Variants in CNTNAP2 observed in about 807,000 individuals in gnomAD.
CNTNAP2 encodes the protein contactin-associated protein-like 2.
In CNTNAP2, 98 loss-of-function variants were observed where a neutral mutation model predicts 155.2. The ratio of observed to expected loss-of-function variants is 0.63; its 90% CI spans 0.54 to 0.75. The LOEUF (loss-of-function observed/expected upper bound fraction) is 0.75. Among genes scored for constraint, CNTNAP2 ranks in the 30% least tolerant of loss-of-function variants. CNTNAP2 has a pLI of 0.00. For synonymous variants in CNTNAP2, 651 were observed against 631.2 expected, an observed-to-expected ratio of 1.03 and a Z score of -0.47; for missense variants, 1,727 against 1,688.1, an observed-to-expected ratio of 1.02 and a Z score of -0.40.
At chr7:147,347,760 G>T (rs700296) in intron 9 of CNTNAP2, among the ~76,000 whole-genome samples, 22,325 of 151,826 alleles carry the variant, frequency 0.15, 1,854 homozygotes, top group East Asian at 0.31. Context: ...CAGAGGCTTT[G>T]CGTTACCTGA....
At chr7:147,621,843 T>C (rs1357944894) in intron 12 of CNTNAP2, among the ~76,000 whole-genome samples, 1 of 151,832 alleles carries the variant, frequency 6.6e-6, no homozygotes, top group Non-Finnish European at 1.5e-5. Context: ...AGTAGCTGAA[T>C]AGATGAAAAA....
At chr7:148,100,559 A>G (rs897684041) in intron 15 of CNTNAP2, among the ~76,000 whole-genome samples, 1 of 152,278 alleles carries the variant, frequency 6.6e-6, no homozygotes, top group Admixed American at 6.5e-5. Context: ...ACCTAATATT[A>G]CTATAATAAA....
intron 1 of CNTNAP2, among the ~76,000 whole-genome samples, chr7:146,556,471 A>T (rs1798199866): frequency 6.6e-6 from 1 of 152,208 alleles, no homozygotes; most frequent in Non-Finnish European, 1.5e-5. Context: ...AGAACAGCGT[A>T]TTATGATAGG....
At chr7:148,198,188 C>T (rs1020259665) in intron 18 of CNTNAP2, among the ~76,000 whole-genome samples, 2 of 152,188 alleles carry the variant, frequency 1.3e-5, no homozygotes, top group African/African-American at 4.8e-5. Context: ...CCCAGAGCCA[C>T]CACCCCCCAT....
At chr7:146,908,747 A>G (rs2129216099) in intron 3 of CNTNAP2, among the ~76,000 whole-genome samples, 1 of 138,952 alleles carries the variant, frequency 7.2e-6, no homozygotes, top group South Asian at 2.4e-4. Context: ...AAGAACTAGA[A>G]AAGCAAGAGC....
chr7:146,867,781 C>CGTT (rs57015319), intron 3 of CNTNAP2, among the ~76,000 whole-genome samples: 6,459 of 150,644 alleles, frequency 0.043, 450 homozygotes, highest in African/African-American at 0.14. Flanking sequence ...GTGATAGTGA[C>CGTT]TTTTTTTTTT....
intron 17 of CNTNAP2, among the ~76,000 whole-genome samples, chr7:148,152,313 C>T (rs902127770): frequency 1.3e-5 from 2 of 151,866 alleles, no homozygotes; most frequent in African/African-American, 4.8e-5. Context: ...ATGGGTGTTG[C>T]TGATTGGTTG....
chr7:146,905,596 C>T (rs1585148909), intron 3 of CNTNAP2, among the ~76,000 whole-genome samples: 1 of 152,084 alleles, frequency 6.6e-6, no homozygotes, highest in African/African-American at 2.4e-5. Context: ...TTCCCCAAGT[C>T]TTTTTCATTC....
intron 13 of CNTNAP2, among the ~76,000 whole-genome samples, chr7:147,857,154 TTAAAA>T (rs1273342985): frequency 6.6e-6 from 1 of 152,258 alleles, no homozygotes; most frequent in Non-Finnish European, 1.5e-5. Context: ...GTTAGTTTAA[TTAAAA>T]TAAAGTCGGT....
chr7:146,382,792 C>T (rs979165792), intron 1 of CNTNAP2, among the ~76,000 whole-genome samples: 9 of 151,954 alleles, frequency 5.9e-5, no homozygotes, highest in African/African-American at 1.7e-4. Flanking sequence ...GCTTTTAGAA[C>T]GGTGCTGCCA....
chr7:146,151,649 T>TATAC (rs1798043010), intron 1 of CNTNAP2, among the ~76,000 whole-genome samples: 1 of 28,536 alleles, frequency 3.5e-5, no homozygotes, highest in Non-Finnish European at 6.0e-5. Flanking sequence ...TATATATATA[T>TATAC]ATATATATAT....
intron 12 of CNTNAP2, among the ~76,000 whole-genome samples, chr7:147,611,564 T>C (rs1801186722): frequency 6.6e-6 from 1 of 152,236 alleles, no homozygotes; most frequent in Non-Finnish European, 1.5e-5. Context: ...CAAATTGTTC[T>C]TCATGTGGGT....
intron 4 of CNTNAP2, among the ~76,000 whole-genome samples, chr7:147,097,859 T>C (rs1421145565): frequency 6.6e-6 from 1 of 152,220 alleles, no homozygotes; most frequent in Non-Finnish European, 1.5e-5. Flanking sequence ...TTGTTTTTGT[T>C]TTCAGGGTAC....
At chr7:147,094,193 C>A (rs558942529) in intron 4 of CNTNAP2, among the ~76,000 whole-genome samples, 14 of 152,252 alleles carry the variant, frequency 9.2e-5, no homozygotes, top group African/African-American at 3.4e-4. Context: ...CTGCAACTTC[C>A]CAGGGCATCC....
intron 21 of CNTNAP2, among the ~76,000 whole-genome samples, chr7:148,357,638 C>A (rs1034097895): frequency 6.6e-6 from 1 of 152,130 alleles, no homozygotes; most frequent in South Asian, 2.1e-4. Context: ...TATTTTGCCT[C>A]GGTCAGTGTT....
intron 8 of CNTNAP2, among the ~76,000 whole-genome samples, chr7:147,147,435 C>A (rs1050731857): frequency 2.6e-5 from 4 of 152,060 alleles, no homozygotes; most frequent in African/African-American, 7.2e-5. Flanking sequence ...ACACAAAAAA[C>A]CTCTATTATT....
intron 11 of CNTNAP2, among the ~76,000 whole-genome samples, chr7:147,534,669 A>C (rs963897055): frequency 6.6e-6 from 1 of 152,216 alleles, no homozygotes; most frequent in African/African-American, 2.4e-5. Flanking sequence ...TAAAGTTTAA[A>C]GTGGCCTTCG....
At chr7:147,712,908 T>A (rs138049035) in intron 13 of CNTNAP2, among the ~76,000 whole-genome samples, 88 of 152,204 alleles carry the variant, frequency 5.8e-4, no homozygotes, top group African/African-American at 1.8e-3. Context: ...AAAAAATTTT[T>A]AAAAATCCCC....
intron 9 of CNTNAP2, among the ~76,000 whole-genome samples, chr7:147,385,642 T>C (rs1428547524): frequency 6.6e-6 from 1 of 152,230 alleles, no homozygotes; most frequent in African/African-American, 2.4e-5. Flanking sequence ...TGGGCCCCCA[T>C]GGCCTTGGGC....
Sources: gnomAD v4.1 joint callset for allele counts (sites outside exome capture counted in the v4.1 genomes callset) on GRCh38, gnomAD v4.1.1 for gene constraint, MANE v1.5 for transcripts, NCBI Gene and HGNC (gene_info 2026-07-23, HGNC 2026-07-21) for gene names.